UBR7: variants seen among roughly 807,000 people sequenced by gnomAD.
UBR7 encodes ubiquitin protein ligase E3 component n-recognin 7, also known as putative E3 ubiquitin-protein ligase UBR7.
UBR7 carries 22 observed loss-of-function variants against 57.0 expected under a neutral mutation model. The observed-to-expected ratio is 0.39, with a 90% CI of 0.28 to 0.55. The LOEUF (loss-of-function observed/expected upper bound fraction) is 0.55, where lower values mean the gene tolerates loss of function less well. Ranked by LOEUF, UBR7 falls within the 20% of genes least tolerant of loss-of-function variation. The pLI, the probability that UBR7 is intolerant of heterozygous loss-of-function variation, is 0.69. For missense variants in UBR7, 395 were observed against 513.2 expected, an observed-to-expected ratio of 0.77 and a Z score of 2.23; for synonymous variants, 167 against 179.8, an observed-to-expected ratio of 0.93 and a Z score of 0.57.
rs757847568 is a variant in UBR7, at chr14:93,228,457, T to C, written c.*1422T>C. ...ACTCCTTATGTGTCCAGCATCTGTG[T>C]ATTCATTCGAGTGCCCAATCCCTGG... On this transcript the variant is annotated 3_prime_UTR_variant, in exon 11 of 11. Transcript: ENST00000013070. The C allele has an allele frequency of 3.1e-5, 14 of 454,010 alleles. No individual in the cohort carries two copies. Among genetic ancestry groups the C allele is most frequent in the South Asian group, 2.2e-4 (14 of 64,482 alleles). 28.1% of individuals were successfully genotyped at this position (454,010 alleles called of 1,614,324 possible).
chr14:93,220,669 T>C (rs1894686588), intron 9 of UBR7, among the ~76,000 whole-genome samples: 1 of 152,162 alleles, frequency 6.6e-6, no homozygotes, highest in African/African-American at 2.4e-5. Context: ...AATGCAAATT[T>C]TCCATCCATT....
chr14:93,207,685 CAGGAA>C (rs1391423863), intron 1 of UBR7, among the ~76,000 whole-genome samples: 1 of 152,122 alleles, frequency 6.6e-6, no homozygotes, highest in Non-Finnish European at 1.5e-5. Context: ...TCCGGCCCGC[CAGGAA>C]GGGCCCTGGA....
intron 3 of UBR7, among the ~76,000 whole-genome samples, chr14:93,211,373 C>CA (rs1894478677): frequency 1.6e-5 from 1 of 61,100 alleles, no homozygotes; most frequent in Admixed American, 1.4e-4. Context: ...ATGGTGAAAC[C>CA]CCCCCGTACT....
rs528210789 is a variant in UBR7 at position 93,220,222 on chromosome 14, CTTTTTTTTTTT to C, written c.961-19_961-9del. The C allele has an allele frequency of 8.7e-7, 1 of 1,146,734 alleles. No homozygotes were observed. The highest frequency in any genetic ancestry group is 1.8e-5 in the African/African-American group (1 of 55,858). 71.0% of individuals were successfully genotyped at this position (1,146,734 alleles called of 1,614,324 possible). A position where few individuals can be genotyped will look rare whatever the true frequency, so the allele number is the denominator to read the frequency against. Reference sequence around the variant, plus strand: ...AGTTCTAATGGGGAAACTCCTCTTTCTTTTTTTTTTTTTTTTTTCCCTAAAGAAAATGTATG... The same window carrying C: ...AGTTCTAATGGGGAAACTCCTCTTTCTTTTTTTCCCTAAAGAAAATGTATG... On this transcript the variant is annotated splice_polypyrimidine_tract_variant and intron_variant, in intron 8 of 10. Transcript: ENST00000013070.
Position 93,210,655 on chromosome 14 carries a change from C to T in UBR7, c.292C>T (p.Arg98Cys), listed in dbSNP as rs267604099. 4.4e-6 allele frequency: 7 copies of T among 1,605,498 alleles called. No homozygotes were observed. The highest frequency in any genetic ancestry group is 2.2e-5 in the South Asian group (2 of 89,878). Reference protein sequence around the residue: ...LFELYTKRNFRCDCGNSKFKN... With the variant: ...LFELYTKRNFCCDCGNSKFKN... Reference sequence around the variant, plus strand: ...ATTTCCTCCTTTTTTCAGAAATTTTCGTTGTGATTGTGGAAACAGCAAGTT... The same window carrying T: ...ATTTCCTCCTTTTTTCAGAAATTTTTGTTGTGATTGTGGAAACAGCAAGTT... The change falls in exon 3 of 11, where the codon CGT becomes TGT. Residue 98 changes from arginine (R) to cysteine (C), a missense_variant. Physicochemically the swap from Arg to Cys is radical, Grantham distance 180. Coordinates refer to ENST00000013070, the MANE Select transcript of UBR7 (RefSeq NM_175748.4).
intron 10 of UBR7, chr14:93,223,508 A>C (rs1004829741): frequency 1.5e-5 from 9 of 601,940 alleles, no homozygotes; most frequent in Admixed American, 2.9e-5. Context: ...CTGTCTACCT[A>C]CTTTAGGTCA....
chr14:93,216,185 T>C (rs1894587567), intron 6 of UBR7, among the ~76,000 whole-genome samples: 2 of 152,210 alleles, frequency 1.3e-5, no homozygotes, highest in Admixed American at 1.3e-4. Flanking sequence ...AAAAGTGGAC[T>C]ACAGGCACAC....
intron 1 of UBR7, 36 bp downstream of exon 1, chr14:93,207,477 C>T (rs1894388845): frequency 2.6e-6 from 4 of 1,514,872 alleles, no homozygotes; most frequent in Admixed American, 4.6e-5. Flanking sequence ...TCCCCCGGCT[C>T]CCGCCGAACC....
chr14:93,220,979 T>C (rs1894693332), intron 9 of UBR7, among the ~76,000 whole-genome samples: 1 of 152,188 alleles, frequency 6.6e-6, no homozygotes, highest in South Asian at 2.1e-4. Context: ...AGGGTCTTGC[T>C]CTGTTGCCCA....
chr14:93,219,120 A>T (rs1894652946), intron 7 of UBR7, 92 bp from the exon 8 acceptor site: 2 of 1,434,650 alleles, frequency 1.4e-6, no homozygotes, highest in Non-Finnish European at 9.6e-7. Context: ...TTTCAATTTT[A>T]TCCTTTGCCT....
At chr14:93,212,199 C>A in intron 4 of UBR7, 72 bp downstream of exon 4, 1 of 1,164,222 alleles carries the variant, frequency 8.6e-7, no homozygotes, top group East Asian at 2.5e-5. Context: ...TTGTCATATC[C>A]GAGCCTCTGG....
At chr14:93,224,000 T>C (rs1168344108) in intron 10 of UBR7, 1 of 775,490 alleles carries the variant, frequency 1.3e-6, no homozygotes, top group African/African-American at 1.7e-5. Context: ...AGATACGAAG[T>C]ACCAGAAGTC....
Position 93,227,972 on chromosome 14 carries a change from T to C in UBR7, c.*937T>C, listed in dbSNP as rs1327550653. The C allele has an allele frequency of 1.4e-6, 1 of 700,050 alleles. No individual in the cohort carries two copies. Among genetic ancestry groups the C allele is most frequent in the East Asian group, 2.7e-5 (1 of 37,286 alleles). 43.4% of individuals were successfully genotyped at this position (700,050 alleles called of 1,614,324 possible). On this transcript the variant is annotated 3_prime_UTR_variant, in exon 11 of 11. Coordinates refer to ENST00000013070, the MANE Select transcript of UBR7 (RefSeq NM_175748.4). ...ATTTTGATATTCTGTTATGAAAATG[T>C]TATTAGAACCCCAATAAATTATTAT...
Position 93,218,525 on chromosome 14 carries a change from A to G in UBR7, c.602-2A>G, listed in dbSNP as rs773990756. 4 of 1,614,160 alleles carry G rather than the reference A, an allele frequency of 2.5e-6. No homozygotes were observed. The highest frequency in any genetic ancestry group is 2.5e-6 in the Non-Finnish European group (3 of 1,180,016). ...TGTTTTTCTTTTTCTTTGAACTCAC[A>G]GTAACCAAAATATCCACTGAGGATG... On this transcript the variant is annotated splice_acceptor_variant, in intron 6 of 10. Coordinates refer to ENST00000013070, the MANE Select transcript of UBR7 (RefSeq NM_175748.4). LOFTEE classifies it high-confidence loss of function.
At position 93,222,374 on chromosome 14, in the gene UBR7, G is replaced by T; in HGVS notation, c.1185G>T (p.Thr395=). ...TCAAGAGATTTGCTGATGAAGGCAC[G>T]GTATGTTGAGTTAAAGAATTCTAAT... The part of the protein sequence containing the change: ...DYLKRFADEG[T]VVKREDIQQF... Residue 395 remains threonine (T), a splice_region_variant and synonymous_variant, in exon 10 of 11, where the codon ACG becomes ACT. Coordinates refer to ENST00000013070, the MANE Select transcript of UBR7 (RefSeq NM_175748.4). The T allele has an allele frequency of 5.6e-6, 9 of 1,596,692 alleles. No individual in the cohort carries two copies. The highest frequency in any genetic ancestry group is 7.7e-6 in the Non-Finnish European group (9 of 1,164,194).
At chr14:93,218,887 T>C in intron 7 of UBR7, 152 bp downstream of exon 7, 1 of 808,472 alleles carries the variant, frequency 1.2e-6, no homozygotes, top group South Asian at 1.8e-5. Flanking sequence ...AAACCTCATC[T>C]CTACTAAAAT....
At chr14:93,212,185 C>G in intron 4 of UBR7, 58 bp downstream of exon 4, 1 of 1,300,048 alleles carries the variant, frequency 7.7e-7, no homozygotes, top group South Asian at 1.2e-5. Flanking sequence ...GATTCCTCAA[C>G]TGCTTGTCAT....
intron 4 of UBR7, among the ~76,000 whole-genome samples, chr14:93,213,260 C>T (rs1213670659): frequency 6.6e-6 from 1 of 152,000 alleles, no homozygotes. Context: ...TTGCATATTA[C>T]CAGTTCTTGA....
chr14:93,211,990 A>C (rs1894493411), intron 3 of UBR7, 42 bp from the exon 4 acceptor site: 2 of 1,448,068 alleles, frequency 1.4e-6, no homozygotes, highest in Admixed American at 1.8e-5. Flanking sequence ...ATTATAGTTA[A>C]AATTAGACCA....
Sources: gnomAD v4.1 joint callset for allele counts (sites outside exome capture counted in the v4.1 genomes callset) on GRCh38, gnomAD v4.1.1 for gene constraint, MANE v1.5 for transcripts, NCBI Gene and HGNC (gene_info 2026-07-23, HGNC 2026-07-21) for gene names.